TEPSIN: variants seen among roughly 807,000 people sequenced by gnomAD.
The protein encoded by TEPSIN is TEPSIN adaptor related protein complex 4 accessory protein.
TEPSIN carries 50 observed loss-of-function variants against 48.5 expected under a neutral mutation model. That is an observed-to-expected ratio of 1.03 (90% confidence interval 0.82 to 1.31). TEPSIN has a LOEUF of 1.31. TEPSIN is among the 50% of genes most tolerant of loss of function. The pLI, the probability that TEPSIN is intolerant of heterozygous loss-of-function variation, is 0.00. For synonymous variants in TEPSIN, 392 were observed against 358.8 expected, an observed-to-expected ratio of 1.09 and a Z score of -1.05; for missense variants, 838 against 815.9, an observed-to-expected ratio of 1.03 and a Z score of -0.33.
At chr17:81,231,022 C>T in intron 11 of TEPSIN, 1 of 476,270 alleles carries the variant, frequency 2.1e-6, no homozygotes, top group Non-Finnish European at 3.7e-6. Flanking sequence ...GCCTTACCTT[C>T]ATTCCTCCGC....
Position 81,230,886 on chromosome 17 carries a change from C to T in TEPSIN, c.1099-208G>A. 1.6e-6 allele frequency: 1 copy of T among 607,456 alleles called. No homozygotes were observed. The highest frequency in any genetic ancestry group is 2.7e-6 in the Non-Finnish European group (1 of 371,198). 37.6% of individuals were successfully genotyped at this position (607,456 alleles called of 1,614,324 possible). On this transcript the variant is annotated intron_variant, in intron 11 of 12. Transcript: ENST00000637944. The surrounding 1 kb of genome is among the most constrained non-coding windows in gnomAD (Gnocchi z 4.2). ...CAGCCCTGTCCTCACCACCTTACAC[C>T]CCCGCTCCCAGACACCAGAGCCCTG...
chr17:81,229,373 A>G lies in TEPSIN; in HGVS notation c.1337T>C (p.Leu446Pro). 4 of 1,557,276 alleles carry G rather than the reference A, an allele frequency of 2.6e-6. No homozygotes were observed. The highest frequency in any genetic ancestry group is 3.5e-6 in the Non-Finnish European group (4 of 1,151,146). ...CCCAGGGAGAGGCACAGCGTCGGTCAGCAGGTCAGATGGGCCTGGGAGGGC... is the reference window on the plus strand; with the variant it reads ...CCCAGGGAGAGGCACAGCGTCGGTCGGCAGGTCAGATGGGCCTGGGAGGGC... Reference protein sequence around the residue: ...TAALPGPSDLLTDAVPLPGSQ... With the variant: ...TAALPGPSDLPTDAVPLPGSQ... The change falls in exon 13 of 13, where the codon CTG becomes CCG. Residue 446 changes from leucine (L) to proline (P), a missense_variant. Coordinates refer to ENST00000637944, the MANE Select transcript of TEPSIN (RefSeq NM_001363764.2).
Position 81,233,511 on chromosome 17 carries a change from G to A in TEPSIN, c.455-8C>T. ...TGGCCTGGGAGCCCATGCCTGCAGA[G>A]GGTCCTCCGTTAGCAGCAAGCCGGC... On this transcript the variant is annotated splice_polypyrimidine_tract_variant and splice_region_variant and intron_variant, in intron 6 of 12. Transcript: ENST00000637944. The surrounding 1 kb of genome is among the most constrained non-coding windows in gnomAD (Gnocchi z 5.8). 6.3e-7 allele frequency: 1 copy of A among 1,592,436 alleles called. No homozygotes were observed. The highest frequency in any genetic ancestry group is 8.6e-7 in the Non-Finnish European group (1 of 1,167,864).
chr17:81,231,115 AC>A (rs1253873310), intron 11 of TEPSIN: 1 of 547,672 alleles, frequency 1.8e-6, no homozygotes, highest in Admixed American at 3.6e-5. Context: ...ACAACCACAC[AC>A]ATGCAGTCAT....
In TEPSIN at chr17:81,238,997, A is replaced by G. The variant is rs201834800; in HGVS notation, c.37T>C (p.Phe13Leu). 1,098 of 1,485,184 alleles carry G rather than the reference A, an allele frequency of 7.4e-4. 18 individuals are homozygous for G. The Admixed American group carries it at 0.023, about 31-fold the overall frequency. The allele number at this position is 1,485,184 out of a possible 1,614,324, so 92.0% of individuals were successfully genotyped here. A position where few individuals can be genotyped will look rare whatever the true frequency, so the allele number is the denominator to read the frequency against. Residue 13 changes from phenylalanine (F) to leucine (L), a missense_variant, in exon 1 of 13, where the codon TTT becomes CTT. Coordinates refer to ENST00000637944, the MANE Select transcript of TEPSIN (RefSeq NM_001363764.2). ...AAPPLRDRLS[F>L]LHRLPILLKG... Reference sequence around the variant, plus strand: ...CCGCCCTCACTCACCCGGTGTAGAAAGCTCAGGCGGTCCCGTAGCGGCGGC... The same window carrying G: ...CCGCCCTCACTCACCCGGTGTAGAAGGCTCAGGCGGTCCCGTAGCGGCGGC...
chr17:81,237,452 A>G lies in TEPSIN; in HGVS notation c.56T>C (p.Ile19Thr). The change falls in exon 2 of 13, where the codon ATT becomes ACT. Residue 19 changes from isoleucine (I) to threonine (T), a missense_variant. Coordinates refer to ENST00000637944, the MANE Select transcript of TEPSIN (RefSeq NM_001363764.2). ...DRLSFLHRLP[I>T]LLKGTSDDDV... Reference sequence around the variant, plus strand: ...ATCATCGGACGTCCCCTTCAGGAGAATCGGGAGCTGAAAGGGAACAAGAGC... The same window carrying G: ...ATCATCGGACGTCCCCTTCAGGAGAGTCGGGAGCTGAAAGGGAACAAGAGC... 1 of 1,609,676 alleles carries G rather than the reference A, an allele frequency of 6.2e-7. No homozygotes were observed. The highest frequency in any genetic ancestry group is 8.5e-7 in the Non-Finnish European group (1 of 1,178,432).
chr17:81,229,347 T>G lies in TEPSIN; in HGVS notation c.1363A>C (p.Ser455Arg). 6.4e-7 allele frequency: 1 copy of G among 1,562,984 alleles called. No homozygotes were observed. Among genetic ancestry groups the G allele is most frequent in the Non-Finnish European group, 8.7e-7 (1 of 1,154,056 alleles). ...LLTDAVPLPG[S>R]QVFLQPLSST... ...CTCAGAGGCTGCAGGAAGACCTGGC[T>G]CCCAGGGAGAGGCACAGCGTCGGTC... is the stretch of plus-strand genomic sequence containing the variant. Residue 455 changes from serine (S) to arginine (R), a missense_variant, in exon 13 of 13, where the codon AGC becomes CGC. Ser to Arg is a moderately radical substitution (Grantham distance 110). Coordinates refer to ENST00000637944, the MANE Select transcript of TEPSIN (RefSeq NM_001363764.2).
rs370550816 is a variant in TEPSIN at position 81,236,761 on chromosome 17, G to T, written c.254C>A (p.Ser85Tyr). 6.4e-7 allele frequency: 1 copy of T among 1,574,274 alleles called. No homozygotes were observed. The highest frequency in any genetic ancestry group is 1.2e-5 in the South Asian group (1 of 85,780). The change falls in exon 4 of 13, where the codon TCC becomes TAC. Residue 85 changes from serine (S) to tyrosine (Y), a missense_variant. By Grantham distance (144) the Ser-to-Tyr change is moderately radical. Transcript: ENST00000637944. ...GCGTTTGAGGATGAGCAGGAAGAAGGAGGAGCCGTGGCTGCACAGATAGAG... is the reference window on the plus strand; with the variant it reads ...GCGTTTGAGGATGAGCAGGAAGAAGTAGGAGCCGTGGCTGCACAGATAGAG... ...ILLYLCSHGSSFFLLILKRNS... is the reference protein window; with the variant it reads ...ILLYLCSHGSYFFLLILKRNS...
intron 4 of TEPSIN, among the ~76,000 whole-genome samples, chr17:81,236,494 G>A (rs762521112): frequency 2.0e-5 from 3 of 152,214 alleles, no homozygotes; most frequent in South Asian, 2.1e-4. Flanking sequence ...GGCAGGGCGC[G>A]TCAGGGGAGG....
chr17:81,234,380 G>C lies in TEPSIN; in HGVS notation c.308-332C>G. ...CCAGGTGCACCAGGGACCCCTCAGA[G>C]GCTTCCGGGGCCTGGAGGGAGAAAC... On this transcript the variant is annotated intron_variant, in intron 4 of 12. Transcript: ENST00000637944. The surrounding 1 kb of genome is among the most constrained non-coding windows in gnomAD (Gnocchi z 5.4). The C allele has an allele frequency of 3.7e-6, 1 of 268,442 alleles. No homozygotes were observed. The highest frequency in any genetic ancestry group is 7.0e-6 in the Non-Finnish European group (1 of 143,234). 16.6% of individuals were successfully genotyped at this position (268,442 alleles called of 1,614,324 possible).
Position 81,231,237 on chromosome 17 carries a change from CCACACGCACACACACAGGCATGTG to C in TEPSIN, c.1098+137_1098+160del, listed in dbSNP as rs2146827655. ...GGCATACATACACAGGCATACACAC[CCACACGCACACACACAGGCATGTG>C]CGCACGCACAGCCACACAGAGGAAT... is the stretch of plus-strand genomic sequence containing the variant. On this transcript the variant is annotated intron_variant, in intron 11 of 12. Transcript: ENST00000637944. 3 of 714,598 alleles carry C rather than the reference CCACACGCACACACACAGGCATGTG, an allele frequency of 4.2e-6. No homozygotes were observed. The African/African-American group carries it at 5.3e-5, about 13-fold the overall frequency. The allele number at this position is 714,598 out of a possible 1,614,324, so 44.3% of individuals were successfully genotyped here.
chr17:81,237,216 G>T, intron 2 of TEPSIN, 145 bp from the exon 3 acceptor site: 1 of 1,157,462 alleles, frequency 8.6e-7, no homozygotes, highest in Non-Finnish European at 1.2e-6. Context: ...GGCTTCTAGG[G>T]TCCCCTGTGT....
chr17:81,235,613 G>A (rs2062706424), intron 4 of TEPSIN, among the ~76,000 whole-genome samples: 1 of 152,064 alleles, frequency 6.6e-6, no homozygotes. Flanking sequence ...CCCACCCCAG[G>A]GCGTGTCCCC....
chr17:81,229,451 C>T lies in TEPSIN; in HGVS notation c.1259G>A (p.Cys420Tyr), dbSNP rs1567899345. The T allele has an allele frequency of 1.3e-6, 2 of 1,549,458 alleles. No homozygotes were observed. Among genetic ancestry groups the T allele is most frequent in the Non-Finnish European group, 8.7e-7 (1 of 1,146,616 alleles). The part of the protein sequence containing the change: ...TKILRHFEAS[C>Y]GQLSPARGTS... Reference sequence around the variant, plus strand: ...GCCCCGGGCAGGGGACAGCTGCCCACAGGAGGCCTCAAAGTGCCTCAGGAT... The same window carrying T: ...GCCCCGGGCAGGGGACAGCTGCCCATAGGAGGCCTCAAAGTGCCTCAGGAT... Residue 420 changes from cysteine to tyrosine, a missense_variant, in exon 13 of 13, where the codon TGT (cysteine) becomes TAT (tyrosine). By Grantham distance (194) the Cys-to-Tyr change is radical (BLOSUM62 -2). Transcript: ENST00000637944.
Position 81,229,308 on chromosome 17 carries a change from AG to A in TEPSIN, c.1401del (p.Ser468ArgfsTer124). On this transcript the variant is annotated frameshift_variant, in exon 13 of 13. Transcript: ENST00000637944. LOFTEE classifies it low-confidence loss of function (END_TRUNC). ...GATGAGGGAGCAGGGCTCCGGGACGAGACCGGGGTTGAACTCAGAGGCTGCA... is the reference window on the plus strand; with the variant it reads ...GATGAGGGAGCAGGGCTCCGGGACGAACCGGGGTTGAACTCAGAGGCTGCA... ...VFLQPLSSTP[V>X]SSRSPAPSSG... The A allele has an allele frequency of 6.4e-7, 1 of 1,569,880 alleles. No individual in the cohort carries two copies. Among genetic ancestry groups the A allele is most frequent in the Non-Finnish European group, 8.6e-7 (1 of 1,158,078 alleles).
chr17:81,228,440 G>GAAAAAAA lies in TEPSIN; in HGVS notation c.*487_*488insTTTTTTT. On this transcript the variant is annotated 3_prime_UTR_variant, in exon 13 of 13. Transcript: ENST00000637944. Reference sequence around the variant, plus strand: ...AGGGAAGGATCACGTAGGGATCTGAGACTTGAAATGGCCTCAGGCCAGACA... The same window carrying GAAAAAAA: ...AGGGAAGGATCACGTAGGGATCTGAGAAAAAAAACTTGAAATGGCCTCAGGCCAGACA... 4.8e-6 allele frequency: 1 copy of GAAAAAAA among 207,204 alleles called. No individual in the cohort carries two copies. Among genetic ancestry groups the GAAAAAAA allele is most frequent in the Non-Finnish European group, 9.6e-6 (1 of 103,776 alleles). The allele number at this position is 207,204 out of a possible 1,614,324, so 12.8% of individuals were successfully genotyped here.
chr17:81,234,847 A>T lies in TEPSIN; in HGVS notation c.308-799T>A, dbSNP rs1191374952. On this transcript the variant is annotated intron_variant, in intron 4 of 12. Coordinates refer to ENST00000637944, the MANE Select transcript of TEPSIN (RefSeq NM_001363764.2). The surrounding 1 kb of genome is among the most constrained non-coding windows in gnomAD (Gnocchi z 5.4). ...CCACGCTGCCCCTGCTCTGTGACAG[A>T]GCAGGAGCATCACCATCTTGGACAA... Among the ~76,000 whole-genome samples the T allele has an allele frequency of 6.6e-6, 1 of 152,094 alleles. No homozygotes were observed. The highest frequency in any genetic ancestry group is 1.5e-5 in the Non-Finnish European group (1 of 68,006).
chr17:81,233,980 C>A lies in TEPSIN; in HGVS notation c.375+1G>T, dbSNP rs982478672. 1 of 1,598,212 alleles carries A rather than the reference C, an allele frequency of 6.3e-7. No homozygotes were observed. The highest frequency in any genetic ancestry group is 1.4e-5 in the African/African-American group (1 of 73,822). Reference sequence around the variant, plus strand: ...CAGAGCGACACTGCTCCTGGGCTCACCTGCGCGGCCGCGCGAACCTTCTGG... The same window carrying A: ...CAGAGCGACACTGCTCCTGGGCTCAACTGCGCGGCCGCGCGAACCTTCTGG... On this transcript the variant is annotated splice_donor_variant, in intron 5 of 12. Transcript: ENST00000637944. LOFTEE classifies it high-confidence loss of function. The surrounding 1 kb of genome is among the most constrained non-coding windows in gnomAD (Gnocchi z 5.8).
chr17:81,229,552 T>C lies in TEPSIN; in HGVS notation c.1234-76A>G, dbSNP rs2062545193. 5.5e-6 allele frequency: 8 copies of C among 1,461,086 alleles called. No individual in the cohort carries two copies. The East Asian group carries it at 2.0e-4, about 36-fold the overall frequency. 90.5% of individuals were successfully genotyped at this position (1,461,086 alleles called of 1,614,324 possible). On this transcript the variant is annotated intron_variant, in intron 12 of 12. Transcript: ENST00000637944. Reference sequence around the variant, plus strand: ...GTGGGGACCAGGGCCCGCTTCTCCCTAGGACCTCCTCAGTCCCTCCACCCA... The same window carrying C: ...GTGGGGACCAGGGCCCGCTTCTCCCCAGGACCTCCTCAGTCCCTCCACCCA...
Sources: allele counts gnomAD v4.1 joint callset (sites outside exome capture counted in the v4.1 genomes callset), GRCh38; gene constraint gnomAD v4.1.1; non-coding constraint Gnocchi (gnomAD v3.1); transcripts MANE v1.5; gene names NCBI Gene and HGNC (gene_info 2026-07-23, HGNC 2026-07-21).